The following MINDY4B variants were observed in gnomAD, a reference collection of about 807,000 sequenced individuals.
MINDY4B encodes the protein MINDY family member 4B.
In MINDY4B, 25 loss-of-function variants were observed where a neutral mutation model predicts 16.7. The ratio of observed to expected loss-of-function variants is 1.49; its 90% CI spans 1.09 to 2.09. The LOEUF is 2.09. Among genes scored for constraint, MINDY4B ranks in the 30% most tolerant of loss-of-function variants. The probability of loss-of-function intolerance (pLI) is 0.00; values close to 1 mark genes in which losing one functional copy is unlikely to be tolerated. For missense variants in MINDY4B, 327 were observed against 168.4 expected, an observed-to-expected ratio of 1.94 and a Z score of -5.21; for synonymous variants, 132 against 61.9, an observed-to-expected ratio of 2.13 and a Z score of -5.32.
chr3:150,875,104 G>A (rs994847790), intron 10 of MINDY4B, among the ~76,000 whole-genome samples: 5 of 152,204 alleles, frequency 3.3e-5, no homozygotes, highest in African/African-American at 1.2e-4. Flanking sequence ...CAAACACAGG[G>A]CCAGTCTGCC....
At chr3:150,897,313 G>T (rs994147272) in intron 3 of MINDY4B, among the ~76,000 whole-genome samples, 1 of 145,228 alleles carries the variant, frequency 6.9e-6, no homozygotes, top group Non-Finnish European at 1.5e-5. Flanking sequence ...TGTTCAATGT[G>T]ACTGGAACTG....
chr3:150,897,898 G>T (rs1282855873), intron 3 of MINDY4B, among the ~76,000 whole-genome samples: 1 of 152,238 alleles, frequency 6.6e-6, no homozygotes, highest in Non-Finnish European at 1.5e-5. Context: ...CCCCAGGACA[G>T]GCATTGAAAA....
At chr3:150,885,149 G>A (rs1481161737) in intron 8 of MINDY4B, among the ~76,000 whole-genome samples, 3 of 152,134 alleles carry the variant, frequency 2.0e-5, no homozygotes, top group African/African-American at 7.2e-5. Context: ...AACCTACTAG[G>A]GTATTGTAAG....
chr3:150,883,741 G>A lies in MINDY4B; in HGVS notation c.856C>T (p.Gln286Ter). Reference sequence around the variant, plus strand: ...CCTCCAGCATTTGGTTGTAGCAGCTGAGTGGTGGTGACATCTAGGTCCATT... The same window carrying A: ...CCTCCAGCATTTGGTTGTAGCAGCTAAGTGGTGGTGACATCTAGGTCCATT... ...LQMDLDVTTT[Q>*]LLQPNAGGFL... Residue 286 changes from glutamine to a stop codon, truncating the protein, a stop_gained, in exon 9 of 12, where the codon CAG becomes TAG. Coordinates refer to ENST00000465419, the MANE Select transcript of MINDY4B (RefSeq NM_001351281.2). LOFTEE classifies it high-confidence loss of function. 2 of 702,802 alleles carry A rather than the reference G, an allele frequency of 2.8e-6. No individual in the cohort carries two copies. The highest frequency in any genetic ancestry group is 5.4e-5 in the East Asian group (2 of 37,290). 43.5% of individuals were successfully genotyped at this position (702,802 alleles called of 1,614,324 possible).
At position 150,870,513 on chromosome 3, in the gene MINDY4B, C is replaced by T. The variant is rs1025124149; in HGVS notation, c.*532G>A. Among the ~76,000 whole-genome samples the T allele has an allele frequency of 7.2e-5, 11 of 152,188 alleles. No individual in the cohort carries two copies. Among genetic ancestry groups the T allele is most frequent in the Admixed American group, 7.2e-4 (11 of 15,276 alleles). On this transcript the variant is annotated 3_prime_UTR_variant, in exon 12 of 12. Coordinates refer to ENST00000465419, the MANE Select transcript of MINDY4B (RefSeq NM_001351281.2). ...CCAGGAATAACCCCTGCTTCAAACC[C>T]CAAGAAGCCCATTTACTATTTTAAT...
At chr3:150,888,081 C>T (rs1024771915) in intron 7 of MINDY4B, among the ~76,000 whole-genome samples, 1 of 152,024 alleles carries the variant, frequency 6.6e-6, no homozygotes, top group South Asian at 2.1e-4. Context: ...TACTCCAGCC[C>T]GGGAGCCGGA....
intron 11 of MINDY4B, 24 bp downstream of exon 11, chr3:150,873,163 A>G (rs759427818): frequency 8.7e-6 from 6 of 693,230 alleles, no homozygotes; most frequent in South Asian, 1.5e-5. Flanking sequence ...AAAATCCACA[A>G]CACCTGGAGT....
chr3:150,880,794 A>G (rs1260996382), intron 10 of MINDY4B, among the ~76,000 whole-genome samples: 3 of 152,272 alleles, frequency 2.0e-5, no homozygotes, highest in Non-Finnish European at 4.4e-5. Context: ...ATATCACCCC[A>G]TTTTCAAACC....
At chr3:150,875,068 G>A (rs1717057797) in intron 10 of MINDY4B, among the ~76,000 whole-genome samples, 1 of 152,194 alleles carries the variant, frequency 6.6e-6, no homozygotes, top group Admixed American at 6.5e-5. Flanking sequence ...CCTCTGGGCT[G>A]AATATATTGT....
At chr3:150,881,614 T>TA (rs34567737) in intron 10 of MINDY4B, among the ~76,000 whole-genome samples, 4,878 of 121,406 alleles carry the variant, frequency 0.04, 220 homozygotes, top group African/African-American at 0.11. Flanking sequence ...TGTCTCTGTT[T>TA]AAAAAAAAAA....
At chr3:150,893,677 C>A (rs1258241488) in intron 4 of MINDY4B, among the ~76,000 whole-genome samples, 2 of 127,208 alleles carry the variant, frequency 1.6e-5, no homozygotes, top group African/African-American at 6.5e-5. Context: ...CATGTCCCTG[C>A]TTCATAGTAG....
At position 150,882,917 on chromosome 3, in the gene MINDY4B, C is replaced by T. The variant is rs1023930349; in HGVS notation, c.1039G>A (p.Glu347Lys). 3 of 702,462 alleles carry T rather than the reference C, an allele frequency of 4.3e-6. No individual in the cohort carries two copies. The highest frequency in any genetic ancestry group is 7.8e-6 in the Non-Finnish European group (3 of 384,628). 43.5% of individuals were successfully genotyped at this position (702,462 alleles called of 1,614,324 possible). A position where few individuals can be genotyped will look rare whatever the true frequency, so the allele number is the denominator to read the frequency against. The change falls in exon 10 of 12, where the codon GAA (glutamate) becomes AAA (lysine). Residue 347 changes from glutamate to lysine, a missense_variant. Glu to Lys is a moderately conservative substitution (Grantham distance 56). Coordinates refer to ENST00000465419, the MANE Select transcript of MINDY4B (RefSeq NM_001351281.2). ...CTCACCTGTGAGAGTCTGTCATCTT[C>T]CGAGGCATCCTTACCCCACTGCAAA... ...GYLQWGKDAS[E>K]DDRLSQVGSM...
At chr3:150,879,380 C>T (rs1248681211) in intron 10 of MINDY4B, among the ~76,000 whole-genome samples, 1 of 152,144 alleles carries the variant, frequency 6.6e-6, no homozygotes, top group Admixed American at 6.5e-5. Context: ...GCCAGGAATG[C>T]TGCTCAATAG....
chr3:150,900,602 T>C (rs1482136269), intron 3 of MINDY4B, among the ~76,000 whole-genome samples: 1 of 152,214 alleles, frequency 6.6e-6, no homozygotes, highest in Non-Finnish European at 1.5e-5. Flanking sequence ...CTCATGATCA[T>C]CTGGCCCATA....
chr3:150,905,405 G>T lies in MINDY4B; in HGVS notation c.35C>A (p.Ser12Tyr), dbSNP rs1712216272. 2 of 398,340 alleles carry T rather than the reference G, an allele frequency of 5.0e-6. No homozygotes were observed. Among genetic ancestry groups the T allele is most frequent in the South Asian group, 1.3e-4 (1 of 7,856 alleles). 24.7% of individuals were successfully genotyped at this position (398,340 alleles called of 1,614,324 possible). ...GATCTCCTCTAAATCCAGCTGTTCG[G>T]AGCTTTGTTCCTGGCCCAAGACCTC... ...DMEVLGQEQS[S>Y]EQLDLEEISR... The change falls in exon 1 of 12, where the codon TCC becomes TAC. Residue 12 changes from serine to tyrosine, a missense_variant. Physicochemically the swap from Ser to Tyr is moderately radical, Grantham distance 144. Transcript: ENST00000465419.
At position 150,903,434 on chromosome 3, in the gene MINDY4B, C is replaced by T. The variant is rs1712162329; in HGVS notation, c.142-18G>A. ...TCATGATTCTGTGCAAATATCACCC[C>T]CACAAAAGACAAAGCAAACAGAGCT... On this transcript the variant is annotated intron_variant, in intron 2 of 11. Transcript: ENST00000465419. 1 of 398,334 alleles carries T rather than the reference C, an allele frequency of 2.5e-6. No homozygotes were observed. The highest frequency in any genetic ancestry group is 3.6e-5 in the East Asian group (1 of 28,084). 24.7% of individuals were successfully genotyped at this position (398,334 alleles called of 1,614,324 possible).
intron 3 of MINDY4B, among the ~76,000 whole-genome samples, chr3:150,897,782 A>G (rs900638117): frequency 6.6e-6 from 1 of 152,212 alleles, no homozygotes; most frequent in Non-Finnish European, 1.5e-5. Context: ...CTCTGTCTCA[A>G]TGCAATAGCA....
intron 6 of MINDY4B, chr3:150,890,687 A>G (rs1711775534): frequency 4.0e-6 from 2 of 505,884 alleles, no homozygotes; most frequent in East Asian, 5.9e-5. Context: ...GGATATGGAA[A>G]TATCATTTAT....
At chr3:150,874,926 A>G (rs376764830) in intron 10 of MINDY4B, among the ~76,000 whole-genome samples, 1 of 152,326 alleles carries the variant, frequency 6.6e-6, no homozygotes, top group South Asian at 2.1e-4. Flanking sequence ...TTATATTGCT[A>G]TGCTGAAAAG....
Sources: allele counts gnomAD v4.1 joint callset (sites outside exome capture counted in the v4.1 genomes callset), GRCh38; gene constraint gnomAD v4.1.1; transcripts MANE v1.5; gene names NCBI Gene and HGNC (gene_info 2026-07-23, HGNC 2026-07-21).